The following CCDC178 variants were observed in gnomAD, a reference collection of about 807,000 sequenced individuals.
CCDC178 encodes coiled-coil domain-containing protein 178.
Under a neutral mutation model 117.4 loss-of-function variants are expected in CCDC178, and 126 were observed. That is an observed-to-expected ratio of 1.07 (90% CI 0.93 to 1.24). CCDC178 has a LOEUF of 1.24. Among genes scored for constraint, CCDC178 ranks in the 50% most tolerant of loss-of-function variants. The pLI is 0.00. For missense variants in CCDC178, 1,030 were observed against 986.9 expected (o/e 1.04, Z -0.59); for synonymous variants, 283 against 313.4 (o/e 0.90, Z 1.02).
chr18:33,081,132 T>G (rs552698163), intron 21 of CCDC178, among the ~76,000 whole-genome samples: 4 of 152,268 alleles, frequency 2.6e-5, no homozygotes, highest in South Asian at 2.1e-4. Flanking sequence ...TGTGAAGTAC[T>G]CTATAGGTTT....
At chr18:33,286,970 A>T (rs2060105612) in intron 12 of CCDC178, among the ~76,000 whole-genome samples, 1 of 152,208 alleles carries the variant, frequency 6.6e-6, no homozygotes, top group Non-Finnish European at 1.5e-5. Context: ...TTTGTTTTAC[A>T]TTTAAAAAGT....
intron 21 of CCDC178, among the ~76,000 whole-genome samples, chr18:32,977,663 C>T (rs1021858807): frequency 5.3e-5 from 8 of 152,104 alleles, no homozygotes; most frequent in African/African-American, 1.9e-4. Flanking sequence ...GAACTCTTAG[C>T]CTTACTGAGT....
chr18:33,352,546 T>C (rs1220690094), intron 7 of CCDC178, among the ~76,000 whole-genome samples: 4 of 152,150 alleles, frequency 2.6e-5, no homozygotes, highest in Non-Finnish European at 2.9e-5. Flanking sequence ...TGTAAGCATT[T>C]ATAGCTCTAA....
rs749754333 is a variant in CCDC178, at chr18:33,020,115, G to GTT, written c.2389-45435_2389-45434insAA. 4.2e-4 allele frequency among the ~76,000 whole-genome samples: 60 copies of GTT among 142,210 alleles called. 1 individual carries two copies. Among genetic ancestry groups the GTT allele is most frequent in the South Asian group, 1.5e-3 (7 of 4,612 alleles). 93.3% of individuals were successfully genotyped at this position (142,210 alleles called of 152,430 possible). On this transcript the variant is annotated intron_variant, in intron 21 of 22. Transcript: ENST00000383096. ...TGCCTGCCACCACAACCGGATAATT[G>GTT]GTTTTTTTTTTTTTTTGTATTTTTA...
intron 20 of CCDC178, among the ~76,000 whole-genome samples, chr18:33,168,825 C>T (rs147067842): frequency 2.8e-4 from 42 of 152,154 alleles, no homozygotes; most frequent in Middle Eastern, 3.4e-3. Context: ...TTAATTGGAC[C>T]CAAAATAGTT....
chr18:32,985,718 T>C (rs2055247979), intron 21 of CCDC178, among the ~76,000 whole-genome samples: 1 of 152,038 alleles, frequency 6.6e-6, no homozygotes, highest in East Asian at 1.9e-4. Context: ...ATAGCAATGA[T>C]TAATATAAAT....
chr18:33,164,527 A>C (rs988691417), intron 20 of CCDC178, among the ~76,000 whole-genome samples: 13 of 152,030 alleles, frequency 8.6e-5, no homozygotes, highest in African/African-American at 3.1e-4. Context: ...AAATTAGAAA[A>C]TATGTATTAA....
intron 5 of CCDC178, among the ~76,000 whole-genome samples, chr18:33,373,257 T>C (rs187758308): frequency 1.3e-5 from 2 of 152,090 alleles, no homozygotes; most frequent in African/African-American, 4.8e-5. Context: ...ACTCTCAGAG[T>C]CAGAAGTGGC....
At chr18:32,944,079 A>G (rs2054295915) in intron 22 of CCDC178, among the ~76,000 whole-genome samples, 1 of 151,802 alleles carries the variant, frequency 6.6e-6, no homozygotes. Context: ...TTTTTTTTTC[A>G]GGGAAGGATC....
At chr18:33,097,014 C>T (rs571307811) in intron 20 of CCDC178, among the ~76,000 whole-genome samples, 3 of 152,210 alleles carry the variant, frequency 2.0e-5, no homozygotes, top group South Asian at 2.1e-4. Flanking sequence ...AAAATGGCCA[C>T]AGCAATATTT....
At chr18:33,406,830 G>C (rs961824303) in intron 3 of CCDC178, among the ~76,000 whole-genome samples, 1 of 152,090 alleles carries the variant, frequency 6.6e-6, no homozygotes, top group Non-Finnish European at 1.5e-5. Context: ...TAACAAACAT[G>C]CTAATAACAG....
At chr18:33,133,118 GAGA>G (rs1315632053) in intron 20 of CCDC178, among the ~76,000 whole-genome samples, 3 of 151,802 alleles carry the variant, frequency 2.0e-5, no homozygotes, top group African/African-American at 7.2e-5. Context: ...CAAAAGCACT[GAGA>G]AGAAGGAGTT....
chr18:33,178,677 C>A (rs113088119), intron 20 of CCDC178, among the ~76,000 whole-genome samples: 41 of 152,144 alleles, frequency 2.7e-4, no homozygotes, highest in African/African-American at 9.4e-4. Flanking sequence ...CAGAGATAAA[C>A]CATGTTTTCA....
At chr18:32,953,884 T>G (rs530152313) in intron 22 of CCDC178, among the ~76,000 whole-genome samples, 2 of 152,304 alleles carry the variant, frequency 1.3e-5, no homozygotes, top group South Asian at 4.1e-4. Flanking sequence ...TTTCTTTACA[T>G]TCAGACTTCT....
intron 9 of CCDC178, among the ~76,000 whole-genome samples, chr18:33,342,923 T>C (rs1346297355): frequency 1.3e-5 from 2 of 152,232 alleles, no homozygotes; most frequent in East Asian, 3.8e-4. Context: ...TCCATAGCAG[T>C]GGCATTCTGG....
At chr18:33,346,029 C>T (rs901526712) in intron 9 of CCDC178, among the ~76,000 whole-genome samples, 182 bp downstream of exon 9, 5 of 151,938 alleles carry the variant, frequency 3.3e-5, no homozygotes, top group African/African-American at 9.7e-5. Context: ...GTTTTCACCA[C>T]GTTTCTTAGG....
At chr18:33,120,177 A>G (rs746103212) in intron 20 of CCDC178, among the ~76,000 whole-genome samples, 2 of 150,536 alleles carry the variant, frequency 1.3e-5, no homozygotes, top group Non-Finnish European at 2.9e-5. Flanking sequence ...TACAACTTAA[A>G]GTATAATAAT....
intron 14 of CCDC178, among the ~76,000 whole-genome samples, chr18:33,251,444 T>A (rs1275511293): frequency 2.0e-5 from 3 of 151,716 alleles, no homozygotes; most frequent in Non-Finnish European, 4.4e-5. Flanking sequence ...AATTTCTTGG[T>A]CGTGCTGAAT....
At chr18:33,323,446 T>C (rs2062542293) in intron 11 of CCDC178, 45 bp downstream of exon 11, 2 of 1,275,584 alleles carry the variant, frequency 1.6e-6, no homozygotes, top group East Asian at 5.4e-5. Context: ...TTACTTAACA[T>C]TTAATTTCTA....
Sources: allele counts gnomAD v4.1 joint callset (sites outside exome capture counted in the v4.1 genomes callset), GRCh38; gene constraint gnomAD v4.1.1; transcripts MANE v1.5; gene names NCBI Gene and HGNC (gene_info 2026-07-23, HGNC 2026-07-21).